Variants in KIAA0319L observed in about 807,000 individuals in gnomAD.
The protein encoded by KIAA0319L is dyslexia-associated protein KIAA0319-like protein.
KIAA0319L carries 55 observed loss-of-function variants against 120.1 expected under a neutral mutation model. That is an observed-to-expected ratio of 0.46 (90% CI 0.37 to 0.57). The LOEUF is 0.57. KIAA0319L is among the 20% of genes least tolerant of loss of function. The pLI is 0.00. For synonymous variants in KIAA0319L, 398 were observed against 471.9 expected (o/e 0.84, Z 2.03); for missense variants, 1,049 against 1,255.3 (o/e 0.84, Z 2.48).
intron 2 of KIAA0319L, among the ~76,000 whole-genome samples, chr1:35,540,579 T>C (rs781358352): frequency 4.6e-5 from 7 of 152,202 alleles, no homozygotes; most frequent in Non-Finnish European, 1.0e-4. Context: ...GAAATGTGGA[T>C]TATTAAAGGT....
At chr1:35,477,493 G>T (rs184806340) in intron 4 of KIAA0319L, among the ~76,000 whole-genome samples, 1 of 151,716 alleles carries the variant, frequency 6.6e-6, no homozygotes, top group Non-Finnish European at 1.5e-5. Context: ...CGGTGAAACC[G>T]CATCTCTACT....
intron 2 of KIAA0319L, among the ~76,000 whole-genome samples, chr1:35,522,520 C>T (rs370470859): frequency 5.3e-4 from 81 of 152,164 alleles, no homozygotes; most frequent in African/African-American, 1.5e-3. Context: ...CCTCGTGATT[C>T]GCCTTCCTTG....
intron 3 of KIAA0319L, among the ~76,000 whole-genome samples, chr1:35,487,079 G>T (rs1005133424): frequency 6.6e-6 from 1 of 151,960 alleles, no homozygotes; most frequent in East Asian, 1.9e-4. Context: ...TGCATGTCTG[G>T]TAATTTTTGG....
At chr1:35,508,019 A>G (rs1425172395) in intron 2 of KIAA0319L, among the ~76,000 whole-genome samples, 1 of 152,200 alleles carries the variant, frequency 6.6e-6, no homozygotes, top group African/African-American at 2.4e-5. Context: ...ACTTGTTCTA[A>G]ATGGAAGTGA....
At chr1:35,522,358 C>A (rs924054144) in intron 2 of KIAA0319L, among the ~76,000 whole-genome samples, 1 of 151,942 alleles carries the variant, frequency 6.6e-6, no homozygotes, top group African/African-American at 2.4e-5. Flanking sequence ...TGGCTCACTG[C>A]AACCTCCGCC....
chr1:35,542,735 T>C (rs908019062), intron 2 of KIAA0319L, among the ~76,000 whole-genome samples: 17 of 152,222 alleles, frequency 1.1e-4, no homozygotes, highest in African/African-American at 4.1e-4. Flanking sequence ...TTTCACACAA[T>C]GCCTTGAATT....
At position 35,482,721 on chromosome 1, in the gene KIAA0319L, G is replaced by A. The variant is rs113083501; in HGVS notation, c.667-3509C>T. ...TGGGATTACAGGTGTAAGCCACTGC[G>A]CCCAGCCTCTACAAGTCTTTGTATG... On this transcript the variant is annotated intron_variant, in intron 3 of 20. Coordinates refer to ENST00000325722, the MANE Select transcript of KIAA0319L (RefSeq NM_024874.5). 1.0e-3 allele frequency among the ~76,000 whole-genome samples: 158 copies of A among 152,176 alleles called. 1 individual carries two copies. Among genetic ancestry groups the A allele is most frequent in the African/African-American group, 3.6e-3 (151 of 41,518 alleles).
chr1:35,509,434 G>T (rs1645336815), intron 2 of KIAA0319L, among the ~76,000 whole-genome samples: 1 of 152,226 alleles, frequency 6.6e-6, no homozygotes, highest in Non-Finnish European at 1.5e-5. Context: ...TTATTTCAGA[G>T]AAGAAAAGTC....
chr1:35,524,291 T>C (rs1646035080), intron 2 of KIAA0319L, among the ~76,000 whole-genome samples: 2 of 152,216 alleles, frequency 1.3e-5, no homozygotes, highest in South Asian at 4.1e-4. Flanking sequence ...GGGGAGAAAG[T>C]TGTAAGACTG....
intron 16 of KIAA0319L, 62 bp from the exon 17 acceptor site, chr1:35,444,365 C>CT: frequency 6.8e-7 from 1 of 1,462,046 alleles, no homozygotes; most frequent in Middle Eastern, 1.8e-4. Flanking sequence ...CAACAGCTAA[C>CT]ATTTACTAAG....
rs536169387 is a variant in KIAA0319L, at chr1:35,460,236, T to C, written c.1427+69A>G. 24 of 1,290,172 alleles carry C rather than the reference T, an allele frequency of 1.9e-5. No homozygotes were observed. The African/African-American group carries it at 2.7e-4, about 14-fold the overall frequency. 79.9% of individuals were successfully genotyped at this position (1,290,172 alleles called of 1,614,324 possible). On this transcript the variant is annotated intron_variant, in intron 9 of 20. Coordinates refer to ENST00000325722, the MANE Select transcript of KIAA0319L (RefSeq NM_024874.5). ...TTGATATTTGTCAAAGTTACTCATA[T>C]AACAATGTAAAACCCACGAGAGGCA...
intron 3 of KIAA0319L, among the ~76,000 whole-genome samples, chr1:35,489,883 T>C (rs1644529153): frequency 6.6e-6 from 1 of 151,932 alleles, no homozygotes; most frequent in Admixed American, 6.6e-5. Context: ...GCCAGGTTGG[T>C]CTCGAACTCC....
chr1:35,485,050 G>A (rs1644335323), intron 3 of KIAA0319L, among the ~76,000 whole-genome samples: 2 of 146,480 alleles, frequency 1.4e-5, no homozygotes, highest in African/African-American at 5.1e-5. Context: ...CTAATAGCTG[G>A]GCCTATTCAG....
chr1:35,551,566 G>A lies in KIAA0319L; in HGVS notation c.142+2784C>T, dbSNP rs191017098. On this transcript the variant is annotated intron_variant, in intron 2 of 20. Transcript: ENST00000325722. ...ACTCCTAACCTCAGGTGATCCACCC[G>A]CCTCGGCCTCCCAAGGTGCTGGGAT... 6.0e-3 allele frequency among the ~76,000 whole-genome samples: 910 copies of A among 152,086 alleles called. 10 individuals are homozygous for A. Among genetic ancestry groups the A allele is most frequent in the African/African-American group, 0.021 (867 of 41,498 alleles).
intron 3 of KIAA0319L, among the ~76,000 whole-genome samples, chr1:35,483,961 T>C (rs1366071386): frequency 1.3e-5 from 2 of 152,192 alleles, no homozygotes; most frequent in African/African-American, 2.4e-5. Context: ...CGTGGCCTTC[T>C]TCCGTGTCTG....
chr1:35,501,055 T>G (rs1012053044), intron 3 of KIAA0319L, among the ~76,000 whole-genome samples: 1 of 152,102 alleles, frequency 6.6e-6, no homozygotes. Flanking sequence ...GGTTCATAGT[T>G]CAAATTCAAT....
At chr1:35,520,108 C>CT (rs557915516) in intron 2 of KIAA0319L, among the ~76,000 whole-genome samples, 2,326 of 142,770 alleles carry the variant, frequency 0.016, 54 homozygotes, top group African/African-American at 0.049. Flanking sequence ...CTTTTCTTTT[C>CT]TTTTTTTTTT....
chr1:35,484,530 T>C (rs914740713), intron 3 of KIAA0319L, among the ~76,000 whole-genome samples: 4 of 152,146 alleles, frequency 2.6e-5, no homozygotes, highest in Non-Finnish European at 4.4e-5. Context: ...ATAGTTCCAG[T>C]GGCTTTTATG....
intron 2 of KIAA0319L, among the ~76,000 whole-genome samples, chr1:35,513,288 A>ATATATATATATATT (rs1414704674): frequency 1.2e-5 from 1 of 85,302 alleles, no homozygotes; most frequent in East Asian, 2.9e-4. Flanking sequence ...ATATATATAT[A>ATATATATATATATT]TTTTTTTTTT....
Sources: gnomAD v4.1 joint callset for allele counts (sites outside exome capture counted in the v4.1 genomes callset) on GRCh38, gnomAD v4.1.1 for gene constraint, MANE v1.5 for transcripts, NCBI Gene and HGNC (gene_info 2026-07-23, HGNC 2026-07-21) for gene names.